Variants in PTCH1 observed in about 807,000 individuals in gnomAD.
PTCH1 encodes the protein protein patched homolog 1.
In PTCH1, 14 loss-of-function variants were observed where a neutral mutation model predicts 144.6. The observed-to-expected ratio is 0.10, with a 90% CI of 0.06 to 0.15. PTCH1 has a LOEUF of 0.15. Ranked by LOEUF, PTCH1 falls within the 10% of genes least tolerant of loss-of-function variation. The pLI, the probability that PTCH1 is intolerant of heterozygous loss-of-function variation, is 1.00. For missense variants in PTCH1, 1,623 were observed against 1,948.3 expected, an observed-to-expected ratio of 0.83 and a Z score of 3.14; for synonymous variants, 833 against 793.6, an observed-to-expected ratio of 1.05 and a Z score of -0.83.
intron 12 of PTCH1, among the ~76,000 whole-genome samples, chr9:95,471,336 A>G (rs927552640): frequency 3.3e-5 from 5 of 152,192 alleles, no homozygotes; most frequent in Non-Finnish European, 7.3e-5. Context: ...CCCTCTCAAG[A>G]GCGTTCTTCT....
At chr9:95,506,709 G>C in intron 1 of PTCH1, 110 bp from the exon 2 acceptor site, 2 of 1,076,798 alleles carry the variant, frequency 1.9e-6, no homozygotes, top group Non-Finnish European at 2.4e-6. Flanking sequence ...TGGGGGCGCG[G>C]GTGGCCGCGG....
At position 95,476,098 on chromosome 9, in the gene PTCH1, T is replaced by C. The variant is rs181192122; in HGVS notation, c.1664A>G (p.Asn555Ser). 3.5e-5 allele frequency: 56 copies of C among 1,613,882 alleles called. No homozygotes were observed. Among genetic ancestry groups the C allele is most frequent in the Admixed American group, 1.2e-4 (7 of 60,016 alleles). Residue 555 changes from asparagine to serine, a missense_variant, in exon 12 of 24, where the codon AAT (asparagine) becomes AGT (serine). Physicochemically the swap from Asn to Ser is conservative, Grantham distance 46 (BLOSUM62 1). Transcript: ENST00000331920. This position sits in a 1 kb window ranked among gnomAD's most constrained non-coding sequence, Gnocchi z 4.6. The part of the protein sequence containing the change: ...GASVALTSIS[N>S]VTAFFMAALI... ...CGCGGCCATGAAGAAGGCTGTGACA[T>C]TGCTGATGGACGTGAGGGCCACGCT...
chr9:95,446,593 A>G (rs1381598078), intron 23 of PTCH1: 6 of 475,322 alleles, frequency 1.3e-5, no homozygotes, highest in Admixed American at 3.1e-5. Flanking sequence ...CATGTGACCA[A>G]TTCGCTGTGG....
At position 95,449,407 on chromosome 9, in the gene PTCH1, A is replaced by G; in HGVS notation, c.3550-84T>C. 6.6e-7 allele frequency: 1 copy of G among 1,525,160 alleles called. No individual in the cohort carries two copies. Among genetic ancestry groups the G allele is most frequent in the Middle Eastern group, 1.8e-4 (1 of 5,588 alleles). The allele number at this position is 1,525,160 out of a possible 1,614,324, so 94.5% of individuals were successfully genotyped here. A position where few individuals can be genotyped will look rare whatever the true frequency, so the allele number is the denominator to read the frequency against. ...CAAAGCTCAAAGCACGGTATTTTTC[A>G]GGGGCCTCTGTTCCCTGCCCTGGGG... On this transcript the variant is annotated intron_variant, in intron 21 of 23. Coordinates refer to ENST00000331920, the MANE Select transcript of PTCH1 (RefSeq NM_000264.5). The surrounding 1 kb of genome is among the most constrained non-coding windows in gnomAD (Gnocchi z 5.3).
chr9:95,482,255 A>G, intron 3 of PTCH1, 52 bp from the exon 4 acceptor site: 1 of 1,525,798 alleles, frequency 6.6e-7, no homozygotes, highest in Non-Finnish European at 9.1e-7. Flanking sequence ...TAAGAAAATT[A>G]GTGCAAATTC....
At position 95,467,306 on chromosome 9, in the gene PTCH1, A is replaced by G. The variant is rs1060502300; in HGVS notation, c.2370T>C (p.Phe790=). 5.6e-6 allele frequency: 9 copies of G among 1,614,106 alleles called. No homozygotes were observed. In the Admixed American group the frequency reaches 1.0e-4, roughly 18 times the overall value. The change falls in exon 15 of 24, where the codon TTT becomes TTC. Residue 790 remains phenylalanine, a synonymous_variant. Coordinates refer to ENST00000331920, the MANE Select transcript of PTCH1 (RefSeq NM_000264.5). The part of the protein sequence containing the change: ...IVPRETREYD[F]IAAQFKYFSF... ...AAAAGTATTTGAATTGTGCAGCAAT[A>G]AAGTCATATTCTCTGGTTTCCCGAG...
chr9:95,481,670 C>A (rs1263832228), intron 5 of PTCH1, among the ~76,000 whole-genome samples: 1 of 152,170 alleles, frequency 6.6e-6, no homozygotes, highest in Non-Finnish European at 1.5e-5. Context: ...GTTAAAAAAT[C>A]ACACGTACTC....
At chr9:95,514,531 T>C (rs757673981) in intron 1 of PTCH1, 3 of 152,156 alleles carry the variant, frequency 2.0e-5, no homozygotes, top group Non-Finnish European at 4.4e-5. Flanking sequence ...TTGTGTGTCT[T>C]TCTTTCATAC....
At chr9:95,448,958 T>A in intron 22 of PTCH1, 111 bp downstream of exon 22, 25 of 1,461,082 alleles carry the variant, frequency 1.7e-5, no homozygotes, top group East Asian at 2.3e-5. Flanking sequence ...TATCTCTGCA[T>A]CCCATCTGCC....
intron 16 of PTCH1, among the ~76,000 whole-genome samples, chr9:95,460,890 G>A (rs1564023137): frequency 6.6e-6 from 1 of 152,158 alleles, no homozygotes; most frequent in Non-Finnish European, 1.5e-5. Context: ...CTTGGGAAAC[G>A]TGATGGTCTG....
rs2282041 is a variant in PTCH1, at chr9:95,486,105, A to G, written c.395-231T>C. ...AATGGCTGTCCCGCCTGTCACAGAC[A>G]CAAACCTAATTCTAACTAATACACT... On this transcript the variant is annotated intron_variant, in intron 2 of 23. Transcript: ENST00000331920. 0.12 allele frequency among the ~76,000 whole-genome samples: 17,978 copies of G among 152,270 alleles called. 1,166 individuals are homozygous for G. Among genetic ancestry groups the G allele is most frequent in the African/African-American group, 0.16 (6,750 of 41,524 alleles).
intron 3 of PTCH1, among the ~76,000 whole-genome samples, chr9:95,484,672 C>T (rs972575766): frequency 2.6e-5 from 4 of 152,152 alleles, no homozygotes; most frequent in Non-Finnish European, 5.9e-5. Context: ...GTGACATCAA[C>T]TCAGAGGTCC....
At chr9:95,489,635 A>AG in intron 2 of PTCH1, among the ~76,000 whole-genome samples, 1 of 152,062 alleles carries the variant, frequency 6.6e-6, no homozygotes, top group East Asian at 1.9e-4. Flanking sequence ...TTCAGGCATG[A>AG]CTTTTTTCCA....
intron 20 of PTCH1, chr9:95,450,864 A>C (rs887970950): frequency 2.0e-5 from 3 of 152,252 alleles, no homozygotes; most frequent in African/African-American, 7.2e-5. Context: ...CCTGTCAGCC[A>C]GGGACAGCCT....
At chr9:95,508,067 G>C (rs754997114) in intron 1 of PTCH1, 94 bp downstream of exon 1, 4 of 1,577,134 alleles carry the variant, frequency 2.5e-6, no homozygotes, top group Non-Finnish European at 3.4e-6. Context: ...GTGAGAGAGA[G>C]AGGAAGAGAG....
chr9:95,450,051 C>G (rs1265992038), intron 20 of PTCH1, 111 bp from the exon 21 acceptor site: 1 of 972,946 alleles, frequency 1.0e-6, no homozygotes, highest in Non-Finnish European at 1.6e-6. Flanking sequence ...AAAACCCACC[C>G]CACTGAAAAG....
rs755092661 is a variant in PTCH1 at position 95,447,426 on chromosome 9, T to C, written c.3830A>G (p.His1277Arg). 3 of 1,599,044 alleles carry C rather than the reference T, an allele frequency of 1.9e-6. No individual in the cohort carries two copies. Among genetic ancestry groups the C allele is most frequent in the African/African-American group, 1.3e-5 (1 of 74,334 alleles). The change falls in exon 23 of 24, where the codon CAC becomes CGC. Residue 1277 changes from histidine (H) to arginine (R), a missense_variant. Around this residue, in one of 7 missense-constraint regions of PTCH1, gnomAD observed 291 missense variants for 287.4 expected, o/e 1.01. Coordinates refer to ENST00000331920, the MANE Select transcript of PTCH1 (RefSeq NM_000264.5). ...CTGCTGTCTCGGGTTCGAGGGTGGG[T>C]GATGCCTGGATTCGGGATGGACCAC... is the stretch of plus-strand genomic sequence containing the variant. ...STVVHPESRHHPPSNPRQQPH... is the reference protein window; with the variant it reads ...STVVHPESRHRPPSNPRQQPH...
chr9:95,506,366 G>A (rs1015793107), intron 2 of PTCH1, 41 bp downstream of exon 2: 1 of 1,597,036 alleles, frequency 6.3e-7, no homozygotes, highest in Non-Finnish European at 8.5e-7. Context: ...CGCGAGGAGG[G>A]ACCGGGCCGG....
At chr9:95,514,527 G>GTCTT (rs1844280071) in intron 1 of PTCH1, 2 of 152,258 alleles carry the variant, frequency 1.3e-5, no homozygotes, top group South Asian at 4.1e-4. Context: ...CTTATTGTGT[G>GTCTT]TCTTTCTTTC....
Sources: allele counts gnomAD v4.1 joint callset (sites outside exome capture counted in the v4.1 genomes callset), GRCh38; gene constraint gnomAD v4.1.1; regional missense constraint gnomAD v4.1.1; non-coding constraint Gnocchi (gnomAD v3.1); transcripts MANE v1.5; gene names NCBI Gene and HGNC (gene_info 2026-07-23, HGNC 2026-07-21).